The following GALNTL6 variants were observed in gnomAD, a reference collection of about 807,000 sequenced individuals.
GALNTL6 encodes the protein polypeptide N-acetylgalactosaminyltransferase-like 6.
In GALNTL6, 46 loss-of-function variants were observed where a neutral mutation model predicts 73.7. The ratio of observed to expected loss-of-function variants is 0.62; its 90% CI spans 0.49 to 0.80. The LOEUF is 0.80. Ranked by LOEUF, GALNTL6 falls within the 30% of genes least tolerant of loss-of-function variation. The probability of loss-of-function intolerance (pLI) is 0.00; values close to 1 mark genes in which losing one functional copy is unlikely to be tolerated. For missense variants in GALNTL6, 604 were observed against 755.0 expected (o/e 0.80, Z 2.34); for synonymous variants, 259 against 263.7 (o/e 0.98, Z 0.17).
At chr4:172,813,902 G>A (rs1741456931) in intron 7 of GALNTL6, among the ~76,000 whole-genome samples, 179 bp downstream of exon 7, 1 of 152,068 alleles carries the variant, frequency 6.6e-6, no homozygotes, top group Non-Finnish European at 1.5e-5. Flanking sequence ...AAGCTGTATC[G>A]AATTCATGGA....
intron 2 of GALNTL6, among the ~76,000 whole-genome samples, chr4:172,132,546 C>T (rs886323516): frequency 2.6e-5 from 4 of 152,030 alleles, no homozygotes; most frequent in Admixed American, 2.0e-4. Context: ...TGAGTGTGCA[C>T]GTGTGCATGT....
intron 2 of GALNTL6, among the ~76,000 whole-genome samples, chr4:172,073,273 G>A (rs375348996): frequency 1.3e-5 from 2 of 152,052 alleles, no homozygotes; most frequent in African/African-American, 2.4e-5. Flanking sequence ...CCCTTGAAAC[G>A]ATGTCTCCCC....
intron 2 of GALNTL6, among the ~76,000 whole-genome samples, chr4:172,057,335 G>C (rs1731045588): frequency 6.6e-6 from 1 of 151,794 alleles, no homozygotes; most frequent in African/African-American, 2.4e-5. Context: ...GATCACTTGA[G>C]CCCAGGAGAG....
chr4:172,546,260 A>G (rs752692169), intron 5 of GALNTL6, among the ~76,000 whole-genome samples: 3 of 152,174 alleles, frequency 2.0e-5, no homozygotes, highest in Non-Finnish European at 2.9e-5. Flanking sequence ...ACCAGAGGAC[A>G]GATTTACTTA....
intron 5 of GALNTL6, among the ~76,000 whole-genome samples, chr4:172,770,607 C>T (rs940285619): frequency 2.0e-5 from 3 of 152,162 alleles, no homozygotes; most frequent in Admixed American, 6.5e-5. Context: ...TTCATTTTTC[C>T]AATTGCAAAT....
At chr4:172,577,485 G>T (rs1302936374) in intron 5 of GALNTL6, among the ~76,000 whole-genome samples, 1 of 152,044 alleles carries the variant, frequency 6.6e-6, no homozygotes, top group Non-Finnish European at 1.5e-5. Flanking sequence ...TCTAAACTAA[G>T]AACGCCCCAC....
chr4:172,818,638 A>G (rs951320990), intron 7 of GALNTL6, among the ~76,000 whole-genome samples: 16 of 152,148 alleles, frequency 1.1e-4, no homozygotes, highest in African/African-American at 3.6e-4. Flanking sequence ...TCACTCTGTC[A>G]CCCAGGTTGG....
At chr4:172,441,634 A>G (rs529328022) in intron 5 of GALNTL6, among the ~76,000 whole-genome samples, 11 of 152,256 alleles carry the variant, frequency 7.2e-5, no homozygotes, top group African/African-American at 2.6e-4. Context: ...TTATATTCCT[A>G]AGCACAAAGA....
intron 5 of GALNTL6, among the ~76,000 whole-genome samples, chr4:172,385,776 G>C (rs935554678): frequency 6.6e-6 from 1 of 151,920 alleles, no homozygotes; most frequent in African/African-American, 2.4e-5. Context: ...TTACTGGTAA[G>C]ATAGAATTTG....
rs147129249 is a variant in GALNTL6, at chr4:172,123,983, T to C, written c.139-105673T>C. On this transcript the variant is annotated intron_variant, in intron 2 of 12. Coordinates refer to ENST00000506823, the MANE Select transcript of GALNTL6 (RefSeq NM_001034845.3). ...AGAAACCTACACTTAAGAGTACTTC[T>C]TAGTCTTTTACATGCATCTGAAGGA... Among the ~76,000 whole-genome samples, 254 of 152,294 alleles carry C rather than the reference T, an allele frequency of 1.7e-3. 1 individual carries two copies. The highest frequency in any genetic ancestry group is 5.5e-3 in the African/African-American group (230 of 41,568).
At chr4:172,221,316 G>A (rs1736668617) in intron 2 of GALNTL6, among the ~76,000 whole-genome samples, 1 of 151,672 alleles carries the variant, frequency 6.6e-6, no homozygotes, top group Admixed American at 6.6e-5. Context: ...CGAGAATGCT[G>A]TGTGTTTTCC....
intron 2 of GALNTL6, among the ~76,000 whole-genome samples, chr4:171,925,687 A>G (rs543732156): frequency 1.3e-5 from 2 of 152,160 alleles, no homozygotes; most frequent in Non-Finnish European, 2.9e-5. Flanking sequence ...TTTTCTAGCA[A>G]TCTTTAATTT....
chr4:171,868,422 A>T (rs1445381343), intron 2 of GALNTL6, among the ~76,000 whole-genome samples: 2 of 152,138 alleles, frequency 1.3e-5, no homozygotes, highest in Non-Finnish European at 2.9e-5. Context: ...GAAATCCTAA[A>T]CAACCTGTGG....
intron 5 of GALNTL6, among the ~76,000 whole-genome samples, chr4:172,719,216 C>T (rs1017554097): frequency 4.6e-5 from 7 of 152,140 alleles, no homozygotes. Flanking sequence ...ATGAATCAGG[C>T]CTGTCTGCAC....
At chr4:172,155,028 C>T (rs1026981344) in intron 2 of GALNTL6, among the ~76,000 whole-genome samples, 3 of 149,454 alleles carry the variant, frequency 2.0e-5, no homozygotes, top group African/African-American at 4.9e-5. Flanking sequence ...GACGTAGTCT[C>T]GCTCTGTTGT....
chr4:171,887,908 A>T (rs1441392172), intron 2 of GALNTL6, among the ~76,000 whole-genome samples: 1 of 152,208 alleles, frequency 6.6e-6, no homozygotes, highest in Non-Finnish European at 1.5e-5. Flanking sequence ...TTTTACTCAA[A>T]TAAGGTCATA....
chr4:171,968,093 C>T (rs1248128538), intron 2 of GALNTL6, among the ~76,000 whole-genome samples: 1 of 152,184 alleles, frequency 6.6e-6, no homozygotes, highest in Non-Finnish European at 1.5e-5. Context: ...TAGCAGTCTT[C>T]TTCTGCCTGT....
chr4:172,487,343 TTTC>T (rs1561106921), intron 5 of GALNTL6, among the ~76,000 whole-genome samples: 126 of 135,014 alleles, frequency 9.3e-4, no homozygotes, highest in South Asian at 1.6e-3. Context: ...TCTTTCTTTC[TTTC>T]TTTCTTTCTT....
intron 2 of GALNTL6, among the ~76,000 whole-genome samples, chr4:171,901,767 A>G (rs1737106004): frequency 6.6e-6 from 1 of 152,206 alleles, no homozygotes; most frequent in Non-Finnish European, 1.5e-5. Flanking sequence ...TTCATCCAAT[A>G]TATTAATCAA....
Sources: gnomAD v4.1 joint callset for allele counts (sites outside exome capture counted in the v4.1 genomes callset) on GRCh38, gnomAD v4.1.1 for gene constraint, MANE v1.5 for transcripts, NCBI Gene and HGNC (gene_info 2026-07-23, HGNC 2026-07-21) for gene names.